Variants in GIGYF2 observed in about 807,000 individuals in gnomAD.
GIGYF2 encodes the protein GRB10 interacting GYF protein 2.
Under a neutral mutation model 208.1 loss-of-function variants are expected in GIGYF2, and 25 were observed. The ratio of observed to expected loss-of-function variants is 0.12; its 90% CI spans 0.09 to 0.17. GIGYF2 has a LOEUF of 0.17. Ranked by LOEUF, GIGYF2 falls within the 10% of genes least tolerant of loss-of-function variation. The probability of loss-of-function intolerance (pLI) is 1.00; values close to 1 mark genes in which losing one functional copy is unlikely to be tolerated. For missense variants in GIGYF2, 1,302 were observed against 1,579.4 expected (o/e 0.82, Z 2.98); for synonymous variants, 534 against 543.8 (o/e 0.98, Z 0.25).
chr2:232,761,422 G>T lies in GIGYF2; in HGVS notation c.518G>T (p.Gly173Val), dbSNP rs758277211. 6.2e-7 allele frequency: 1 copy of T among 1,604,084 alleles called. No homozygotes were observed. Among genetic ancestry groups the T allele is most frequent in the Admixed American group, 1.7e-5 (1 of 59,968 alleles). ...ERGDRRFEKP[G>V]RKDVGRPNFE... ...GGTGACAGACGTTTTGAAAAACCAG[G>T]ACGAAAAGATGTAGGTAAGGTTCTT... The change falls in exon 8 of 29, where the codon GGA becomes GTA. Residue 173 changes from glycine (G) to valine (V), a missense_variant. Transcript: ENST00000373563.
At chr2:232,786,244 A>AT (rs199979651) in intron 8 of GIGYF2, among the ~76,000 whole-genome samples, 1,527 of 148,682 alleles carry the variant, frequency 0.01, 35 homozygotes, top group Admixed American at 0.057. Context: ...CTACTTTTCA[A>AT]TTTTTTTTTT....
chr2:232,775,533 GATCCCA>G (rs1179091191), intron 8 of GIGYF2, among the ~76,000 whole-genome samples: 1 of 152,138 alleles, frequency 6.6e-6, no homozygotes, highest in Non-Finnish European at 1.5e-5. Flanking sequence ...CTCATCAGCT[GATCCCA>G]ATAGAAAGTG....
intron 14 of GIGYF2, among the ~76,000 whole-genome samples, chr2:232,797,011 C>A (rs1700241869): frequency 4.6e-5 from 7 of 151,816 alleles, no homozygotes; most frequent in Admixed American, 4.6e-4. Context: ...GTAGCCTACT[C>A]ACCTCTGTGT....
At chr2:232,748,136 T>C (rs930970642) in intron 4 of GIGYF2, among the ~76,000 whole-genome samples, 1 of 152,250 alleles carries the variant, frequency 6.6e-6, no homozygotes, top group South Asian at 2.1e-4. Context: ...CCTTCGGCTA[T>C]ATAAAATTTT....
At chr2:232,724,136 G>A (rs922876092) in intron 2 of GIGYF2, among the ~76,000 whole-genome samples, 2 of 151,062 alleles carry the variant, frequency 1.3e-5, no homozygotes, top group African/African-American at 2.4e-5. Flanking sequence ...TGCCTTCCGG[G>A]TTCAAGTGAT....
At chr2:232,736,244 G>T in intron 3 of GIGYF2, 1 of 768,040 alleles carries the variant, frequency 1.3e-6, no homozygotes, top group South Asian at 5.9e-5. Flanking sequence ...AAGTAATGCT[G>T]TACTTGTTTT....
chr2:232,837,046 A>G (rs1159567499), intron 22 of GIGYF2, among the ~76,000 whole-genome samples: 2 of 152,176 alleles, frequency 1.3e-5, no homozygotes, highest in Non-Finnish European at 1.5e-5. Flanking sequence ...GCCTCTCCTG[A>G]TGGCTTGGCC....
At chr2:232,814,563 A>C (rs1176632328) in intron 18 of GIGYF2, among the ~76,000 whole-genome samples, 4 of 64,966 alleles carry the variant, frequency 6.2e-5, no homozygotes, top group South Asian at 3.3e-4. Context: ...ACTCCACCTC[A>C]AACCCCCCCC....
At chr2:232,836,305 T>TACAC (rs1701611358) in intron 22 of GIGYF2, among the ~76,000 whole-genome samples, 1 of 18,494 alleles carries the variant, frequency 5.4e-5, no homozygotes, top group African/African-American at 1.9e-4. Context: ...TATATATATA[T>TACAC]ATATATATAT....
chr2:232,786,507 G>A (rs1480487389), intron 8 of GIGYF2, among the ~76,000 whole-genome samples: 2 of 152,218 alleles, frequency 1.3e-5, no homozygotes, highest in African/African-American at 4.8e-5. Context: ...AAAGTGCTGG[G>A]ATTATAGGCG....
chr2:232,718,446 C>T (rs533185849), intron 2 of GIGYF2, among the ~76,000 whole-genome samples: 1 of 152,288 alleles, frequency 6.6e-6, no homozygotes, highest in East Asian at 1.9e-4. Context: ...TATGAGTATA[C>T]TGCAGATTGG....
intron 22 of GIGYF2, among the ~76,000 whole-genome samples, chr2:232,834,933 G>A (rs771816278): frequency 5.3e-5 from 8 of 152,082 alleles, no homozygotes; most frequent in Non-Finnish European, 1.0e-4. Flanking sequence ...GGCTTTTCGT[G>A]TACTTATCTC....
In GIGYF2 at chr2:232,767,935, C is replaced by T. The variant is rs568320995; in HGVS notation, c.532+6499C>T. On this transcript the variant is annotated intron_variant, in intron 8 of 28. Transcript: ENST00000373563. ...ATCATACCACATTCTTATAAATTCA[C>T]CAGCAACATTTCTGTATAAGTGTCT... is the stretch of plus-strand genomic sequence containing the variant. 144 of 461,132 alleles carry T rather than the reference C, an allele frequency of 3.1e-4. No individual in the cohort carries two copies. The highest frequency in any genetic ancestry group is 5.2e-4 in the Non-Finnish European group (132 of 253,604). 28.6% of individuals were successfully genotyped at this position (461,132 alleles called of 1,614,324 possible). A position where few individuals can be genotyped will look rare whatever the true frequency, so the allele number is the denominator to read the frequency against.
intron 21 of GIGYF2, among the ~76,000 whole-genome samples, chr2:232,829,419 C>G (rs1244785534): frequency 6.6e-6 from 1 of 152,166 alleles, no homozygotes; most frequent in Non-Finnish European, 1.5e-5. Flanking sequence ...AAGGAACATT[C>G]TGAATGGTAG....
At chr2:232,769,160 G>T (rs1475608675) in intron 8 of GIGYF2, among the ~76,000 whole-genome samples, 1 of 152,128 alleles carries the variant, frequency 6.6e-6, no homozygotes, top group East Asian at 1.9e-4. Flanking sequence ...ATGCAACTTG[G>T]CTACAGCCAG....
At chr2:232,832,329 T>C (rs990198555) in intron 21 of GIGYF2, among the ~76,000 whole-genome samples, 1 of 152,052 alleles carries the variant, frequency 6.6e-6, no homozygotes, top group South Asian at 2.1e-4. Flanking sequence ...TGAGCCCAGG[T>C]GAGGGCAAAT....
At chr2:232,787,009 C>T (rs1480746076) in intron 8 of GIGYF2, 141 bp from the exon 9 acceptor site, 2 of 637,366 alleles carry the variant, frequency 3.1e-6, no homozygotes, top group Admixed American at 2.6e-5. Context: ...TATACATATA[C>T]CCACTGTTAT....
chr2:232,756,263 G>A lies in GIGYF2; in HGVS notation c.308G>A (p.Arg103Gln). 1 of 1,580,766 alleles carries A rather than the reference G, an allele frequency of 6.3e-7. No individual in the cohort carries two copies. Among genetic ancestry groups the A allele is most frequent in the Non-Finnish European group, 8.6e-7 (1 of 1,167,962 alleles). Residue 103 changes from arginine to glutamine, a missense_variant, in exon 6 of 29, where the codon CGA (arginine) becomes CAA (glutamine). Around this residue, in one of 8 missense-constraint regions of GIGYF2, gnomAD observed 189 missense variants for 257.7 expected, o/e 0.73. Coordinates refer to ENST00000373563, the MANE Select transcript of GIGYF2 (RefSeq NM_001103146.3). Reference sequence around the variant, plus strand: ...TCTGTAAATAGTGCTGCTGTCCTGCGATTGACAGGACGAGGAGGAGGAGGA... The same window carrying A: ...TCTGTAAATAGTGCTGCTGTCCTGCAATTGACAGGACGAGGAGGAGGAGGA... ...SMSVNSAAVL[R>Q]LTGRGGGGTV...
In GIGYF2 at chr2:232,747,622, G is replaced by A; in HGVS notation, c.49G>A (p.Ala17Thr). The part of the protein sequence containing the change: ...TLNFGPEWLR[A>T]LSSGGSITSP... ...CTGTCTTTTCTATTCTAGGCTCCGA[G>A]CTCTGTCCAGTGGTGGGAGTATTAC... The change falls in exon 4 of 29, where the codon GCT becomes ACT. Residue 17 changes from alanine to threonine, a missense_variant. Ala to Thr is a moderately conservative substitution (Grantham distance 58). Around this residue, in one of 8 missense-constraint regions of GIGYF2, gnomAD observed 27 missense variants for 59.5 expected, o/e 0.45. Transcript: ENST00000373563. 1.2e-6 allele frequency: 2 copies of A among 1,614,002 alleles called. No individual in the cohort carries two copies. The highest frequency in any genetic ancestry group is 1.7e-6 in the Non-Finnish European group (2 of 1,179,920).
Sources: allele counts gnomAD v4.1 joint callset (sites outside exome capture counted in the v4.1 genomes callset), GRCh38; gene constraint gnomAD v4.1.1; regional missense constraint gnomAD v4.1.1; transcripts MANE v1.5; gene names NCBI Gene and HGNC (gene_info 2026-07-23, HGNC 2026-07-21).